Variants in PLCL2 observed in about 807,000 individuals in gnomAD.
The protein encoded by PLCL2 is inactive phospholipase C-like protein 2.
A neutral mutation model predicts 79.6 loss-of-function variants in PLCL2; 4 were observed. The ratio of observed to expected loss-of-function variants is 0.05; its 90% CI spans 0.02 to 0.11. The LOEUF (loss-of-function observed/expected upper bound fraction) is 0.11, where lower values mean the gene tolerates loss of function less well. Among genes scored for constraint, PLCL2 ranks in the 10% least tolerant of loss-of-function variants. The pLI, the probability that PLCL2 is intolerant of heterozygous loss-of-function variation, is 1.00. For missense variants in PLCL2, 895 were observed against 1,291.0 expected, an observed-to-expected ratio of 0.69 and a Z score of 4.70; for synonymous variants, 484 against 457.7, an observed-to-expected ratio of 1.06 and a Z score of -0.73.
chr3:16,951,236 G>A (rs1006535288), intron 1 of PLCL2, among the ~76,000 whole-genome samples: 2 of 151,750 alleles, frequency 1.3e-5, no homozygotes, highest in African/African-American at 4.8e-5. Context: ...AGATCTTTGA[G>A]CACCTTTTCT....
chr3:16,967,089 G>T (rs147942954), intron 1 of PLCL2, among the ~76,000 whole-genome samples: 2 of 152,096 alleles, frequency 1.3e-5, no homozygotes, highest in African/African-American at 4.8e-5. Context: ...TGCTGCAAAT[G>T]ACATGATCTT....
At chr3:16,930,600 G>A (rs78526438) in intron 1 of PLCL2, among the ~76,000 whole-genome samples, 3,194 of 152,238 alleles carry the variant, frequency 0.021, 54 homozygotes, top group South Asian at 0.043. Flanking sequence ...GCCTTCTTCA[G>A]CCTCTGTTCG....
intron 5 of PLCL2, among the ~76,000 whole-genome samples, chr3:17,086,609 G>A (rs2065222566): frequency 6.6e-6 from 1 of 152,194 alleles, no homozygotes; most frequent in East Asian, 1.9e-4. Context: ...TAAAACTTCT[G>A]CTCTATAAAG....
chr3:17,080,545 G>T (rs1231501668), intron 5 of PLCL2, among the ~76,000 whole-genome samples: 1 of 152,034 alleles, frequency 6.6e-6, no homozygotes, highest in Non-Finnish European at 1.5e-5. Flanking sequence ...CCACCTCCCG[G>T]GTTCAAGTGA....
chr3:16,946,384 G>A (rs1210897021), intron 1 of PLCL2, among the ~76,000 whole-genome samples: 2 of 151,412 alleles, frequency 1.3e-5, no homozygotes, highest in Non-Finnish European at 2.9e-5. Flanking sequence ...GGAGTAGGAG[G>A]ATCAAAATGA....
chr3:16,961,790 G>A (rs748205605), intron 1 of PLCL2, among the ~76,000 whole-genome samples: 3 of 152,194 alleles, frequency 2.0e-5, no homozygotes, highest in Non-Finnish European at 4.4e-5. Context: ...GGTAGAGTAT[G>A]TGAAACCCCC....
chr3:17,058,173 A>C (rs962201781), intron 4 of PLCL2, among the ~76,000 whole-genome samples: 1 of 152,222 alleles, frequency 6.6e-6, no homozygotes, highest in Non-Finnish European at 1.5e-5. Context: ...GAGCCAAGGC[A>C]AGTGGACACA....
chr3:17,084,756 A>C (rs1257204866), intron 5 of PLCL2, among the ~76,000 whole-genome samples: 1 of 152,218 alleles, frequency 6.6e-6, no homozygotes, highest in Non-Finnish European at 1.5e-5. Context: ...TCAGTGAACT[A>C]GGAATAGAGA....
intron 1 of PLCL2, among the ~76,000 whole-genome samples, chr3:16,914,113 T>G (rs1181842327): frequency 6.6e-6 from 1 of 152,186 alleles, no homozygotes. Context: ...TCTTTCTTCT[T>G]AATTTGGGAC....
intron 3 of PLCL2, among the ~76,000 whole-genome samples, chr3:17,042,096 G>C (rs2064728359): frequency 6.6e-6 from 1 of 152,092 alleles, no homozygotes; most frequent in Non-Finnish European, 1.5e-5. Flanking sequence ...TTTATACTAA[G>C]GTAGATATCA....
intron 1 of PLCL2, among the ~76,000 whole-genome samples, chr3:16,911,994 G>A (rs540900541): frequency 4.6e-5 from 7 of 152,192 alleles, no homozygotes; most frequent in East Asian, 1.9e-4. Flanking sequence ...TGAATTTCTT[G>A]TATAGACTTG....
At chr3:17,087,723 C>G (rs1216914394) in intron 5 of PLCL2, among the ~76,000 whole-genome samples, 1 of 152,080 alleles carries the variant, frequency 6.6e-6, no homozygotes, top group Non-Finnish European at 1.5e-5. Context: ...GATGTGGCTA[C>G]TAGAGAAGGT....
intron 5 of PLCL2, among the ~76,000 whole-genome samples, chr3:17,080,729 G>A (rs2124953925): frequency 6.6e-6 from 1 of 152,324 alleles, no homozygotes; most frequent in South Asian, 2.1e-4. Flanking sequence ...GGGATTACAG[G>A]TGTGAGCCAC....
intron 4 of PLCL2, among the ~76,000 whole-genome samples, chr3:17,063,713 G>A (rs2124940146): frequency 6.6e-6 from 1 of 152,262 alleles, no homozygotes; most frequent in Middle Eastern, 3.4e-3. Flanking sequence ...CTGGATTACT[G>A]TAACAGTCTC....
At chr3:16,998,176 A>C (rs1424421290) in intron 1 of PLCL2, among the ~76,000 whole-genome samples, 1 of 140,398 alleles carries the variant, frequency 7.1e-6, no homozygotes, top group African/African-American at 2.7e-5. Flanking sequence ...GCCAGAGTTA[A>C]AGATTAAAAA....
chr3:17,009,049 A>G lies in PLCL2; in HGVS notation c.328-625A>G, dbSNP rs554130559. Among the ~76,000 whole-genome samples the G allele has an allele frequency of 3.3e-4, 50 of 151,822 alleles. No individual in the cohort carries two copies. Among genetic ancestry groups the G allele is most frequent in the Non-Finnish European group, 5.9e-4 (40 of 67,936 alleles). The stretch of plus-strand genomic sequence containing the variant: ...GCCCAGGCTGGAGTGCAGTGACACA[A>G]TCTCAGCTCACTGCAACCTTTGCCT... On this transcript the variant is annotated intron_variant, in intron 1 of 5. Coordinates refer to ENST00000615277, the MANE Select transcript of PLCL2 (RefSeq NM_001144382.2). The surrounding 1 kb of genome is among the most constrained non-coding windows in gnomAD (Gnocchi z 4.0).
At chr3:16,963,650 C>T (rs556746647) in intron 1 of PLCL2, among the ~76,000 whole-genome samples, 1 of 152,216 alleles carries the variant, frequency 6.6e-6, no homozygotes, top group African/African-American at 2.4e-5. Flanking sequence ...AGCATATACT[C>T]ATAAAAGTAC....
chr3:17,036,239 C>T (rs7652293), intron 3 of PLCL2, among the ~76,000 whole-genome samples: 23,216 of 152,106 alleles, frequency 0.15, 2,267 homozygotes, highest in Non-Finnish European at 0.2. Context: ...TTAATTGTAG[C>T]GCACAGCTGG....
chr3:16,930,987 A>G (rs1020228482), intron 1 of PLCL2, among the ~76,000 whole-genome samples: 2 of 152,080 alleles, frequency 1.3e-5, no homozygotes, highest in Admixed American at 6.5e-5. Flanking sequence ...AAAGGCAGGT[A>G]GTAGGGTAGG....
Sources: allele counts gnomAD v4.1 joint callset (sites outside exome capture counted in the v4.1 genomes callset), GRCh38; gene constraint gnomAD v4.1.1; non-coding constraint Gnocchi (gnomAD v3.1); transcripts MANE v1.5; gene names NCBI Gene and HGNC (gene_info 2026-07-23, HGNC 2026-07-21).